The following SLC14A2 variants were observed in gnomAD, a reference collection of about 807,000 sequenced individuals.
The protein encoded by SLC14A2 is urea transporter 2.
A neutral mutation model predicts 104.6 loss-of-function variants in SLC14A2; 91 were observed. The observed-to-expected ratio is 0.87, with a 90% CI of 0.73 to 1.04. SLC14A2 has a LOEUF of 1.04. SLC14A2 is among the 50% of genes least tolerant of loss of function. The pLI is 0.00. For synonymous variants in SLC14A2, 476 were observed against 466.4 expected (o/e 1.02, Z -0.27); for missense variants, 1,189 against 1,156.0 (o/e 1.03, Z -0.41).
intron 2 of SLC14A2, among the ~76,000 whole-genome samples, chr18:45,549,393 T>A (rs1033389997): frequency 6.6e-6 from 1 of 152,210 alleles, no homozygotes; most frequent in Non-Finnish European, 1.5e-5. Flanking sequence ...GGAGGAAGGA[T>A]GGAGCAGCTG....
intron 1 of SLC14A2, among the ~76,000 whole-genome samples, chr18:45,343,042 A>G (rs1478526949): frequency 6.6e-6 from 1 of 152,032 alleles, no homozygotes; most frequent in Non-Finnish European, 1.5e-5. Context: ...GACTAGCAGT[A>G]GCGGGAGGCC....
At position 45,669,328 on chromosome 18, in the gene SLC14A2, G is replaced by A; in HGVS notation, c.2059G>A (p.Gly687Ser). The change falls in exon 16 of 20, where the codon GGT (glycine) becomes AGT (serine). Residue 687 changes from glycine (G) to serine (S), a missense_variant. By Grantham distance (56) the Gly-to-Ser change is moderately conservative (BLOSUM62 0). Transcript: ENST00000255226. ...CAGCCCCATCCTCTCCAGTGCCCTG[G>A]GTACCATCTTCAGCAAGTGGGACCT... ...MSCPILSSAL[G>S]TIFSKWDLPV... is the part of the protein sequence containing the mutation. 1 of 1,613,474 alleles carries A rather than the reference G, an allele frequency of 6.2e-7. No homozygotes were observed. The highest frequency in any genetic ancestry group is 8.5e-7 in the Non-Finnish European group (1 of 1,179,652).
chr18:45,190,360 C>G, the SLC14A2 span, among the ~76,000 whole-genome samples: 1 of 152,162 alleles, frequency 6.6e-6, no homozygotes, highest in African/African-American at 2.4e-5. Context: ...ACTGACAGAT[C>G]TCAAAGGAGG....
chr18:45,489,267 T>G (rs756345119), intron 2 of SLC14A2, among the ~76,000 whole-genome samples: 7 of 152,152 alleles, frequency 4.6e-5, no homozygotes, highest in Non-Finnish European at 5.9e-5. Flanking sequence ...TCCCAGCACT[T>G]TGAGAGGCTG....
chr18:45,322,871 T>TC (rs1368661875), intron 1 of SLC14A2, among the ~76,000 whole-genome samples: 2 of 152,194 alleles, frequency 1.3e-5, no homozygotes, highest in African/African-American at 4.8e-5. Flanking sequence ...AACTGAGAAG[T>TC]CATCCAGCAT....
intron 1 of SLC14A2, among the ~76,000 whole-genome samples, chr18:45,376,687 G>A (rs1384528787): frequency 6.6e-6 from 1 of 152,154 alleles, no homozygotes; most frequent in Non-Finnish European, 1.5e-5. Context: ...TTTGAGATGA[G>A]TACAGGGTGG....
chr18:45,663,899 G>A lies in SLC14A2; in HGVS notation c.1466G>A (p.Arg489Lys). 1 of 1,612,200 alleles carries A rather than the reference G, an allele frequency of 6.2e-7. No individual in the cohort carries two copies. The highest frequency in any genetic ancestry group is 8.5e-7 in the Non-Finnish European group (1 of 1,179,348). The change falls in exon 11 of 20, where the codon AGG becomes AAG. Residue 489 changes from arginine (R) to lysine (K), a missense_variant. By Grantham distance (26) the Arg-to-Lys change is conservative (BLOSUM62 2). Transcript: ENST00000255226. ...ATCGAGTGGTCATCCATTCGGAGGAGGAGCAAAGGTGTGCATGTCCTCCCC... is the reference window on the plus strand; with the variant it reads ...ATCGAGTGGTCATCCATTCGGAGGAAGAGCAAAGGTGTGCATGTCCTCCCC... Reference protein sequence around the residue: ...FHIEWSSIRRRSKVFGKGEHQ... With the variant: ...FHIEWSSIRRKSKVFGKGEHQ...
At chr18:45,379,847 A>G (rs1361717011) in intron 1 of SLC14A2, among the ~76,000 whole-genome samples, 1 of 152,224 alleles carries the variant, frequency 6.6e-6, no homozygotes, top group East Asian at 1.9e-4. Flanking sequence ...CATTTCATAC[A>G]TGGACCTGTA....
At chr18:45,459,369 A>T (rs2087001874) in intron 1 of SLC14A2, among the ~76,000 whole-genome samples, 1 of 152,026 alleles carries the variant, frequency 6.6e-6, no homozygotes, top group Non-Finnish European at 1.5e-5. Context: ...GGAGGATAAA[A>T]CTCTGTGCTG....
Position 45,283,749 on chromosome 18 carries a change from G to A in SLC14A2, c.-125+70558G>A, listed in dbSNP as rs73952836. Among the ~76,000 whole-genome samples the A allele has an allele frequency of 1.0e-3, 154 of 152,026 alleles. 1 individual carries two copies. The highest frequency in any genetic ancestry group is 3.5e-3 in the African/African-American group (144 of 41,456). ...TCACTTAGACAAGGTCTTTTTTTTA[G>A]ATATAGAGATATGCCCCCTCGTGGG... On this transcript the variant is annotated intron_variant, in intron 1 of 20. Transcript: ENST00000586448.
At chr18:45,169,934 AAC>A in the SLC14A2 span, among the ~76,000 whole-genome samples, 1 of 152,134 alleles carries the variant, frequency 6.6e-6, no homozygotes. Flanking sequence ...CAATAACAAA[AAC>A]ACAACCTAAA....
intron 2 of SLC14A2, among the ~76,000 whole-genome samples, chr18:45,524,458 G>T (rs575484334): frequency 1.3e-5 from 2 of 152,168 alleles, no homozygotes; most frequent in African/African-American, 4.8e-5. Context: ...CCTTGATGGG[G>T]TGTGGGACCA....
intron 1 of SLC14A2, among the ~76,000 whole-genome samples, chr18:45,420,749 T>C (rs930929601): frequency 7.0e-6 from 1 of 142,570 alleles, no homozygotes. Context: ...ATTATTATTA[T>C]TTTTTTTTTT....
At chr18:45,663,728 C>A in intron 10 of SLC14A2, 57 bp from the exon 11 acceptor site, 1 of 1,573,686 alleles carries the variant, frequency 6.4e-7, no homozygotes, top group Non-Finnish European at 8.6e-7. Context: ...CTCTGCTTGG[C>A]TCTCTCAGGT....
intron 2 of SLC14A2, among the ~76,000 whole-genome samples, chr18:45,593,382 G>A (rs1475986138): frequency 6.6e-6 from 1 of 151,358 alleles, no homozygotes; most frequent in Admixed American, 6.6e-5. Flanking sequence ...GTAGGCTAGA[G>A]CTCTCCCATC....
At chr18:45,583,743 T>C (rs1599030737) in intron 2 of SLC14A2, among the ~76,000 whole-genome samples, 1 of 152,030 alleles carries the variant, frequency 6.6e-6, no homozygotes, top group Admixed American at 6.5e-5. Flanking sequence ...AGCCAGCTCT[T>C]GAAAAAAAAA....
intron 1 of SLC14A2, among the ~76,000 whole-genome samples, chr18:45,219,967 C>T (rs1221192908): frequency 3.9e-5 from 6 of 152,200 alleles, no homozygotes; most frequent in Non-Finnish European, 8.8e-5. Context: ...CCGATACTTG[C>T]AGAGGGTTAA....
chr18:45,450,987 C>T (rs2086848376), intron 1 of SLC14A2, among the ~76,000 whole-genome samples: 2 of 152,274 alleles, frequency 1.3e-5, no homozygotes, highest in South Asian at 4.2e-4. Context: ...CTTCAAAGGA[C>T]AAGGGAGCCA....
At chr18:45,424,572 G>C (rs1322282936) in intron 1 of SLC14A2, among the ~76,000 whole-genome samples, 2 of 152,250 alleles carry the variant, frequency 1.3e-5, no homozygotes, top group Non-Finnish European at 1.5e-5. Context: ...GCACAGGCAT[G>C]AGTAGGTGGA....
Sources: allele counts gnomAD v4.1 joint callset (sites outside exome capture counted in the v4.1 genomes callset), GRCh38; gene constraint gnomAD v4.1.1; transcripts MANE v1.5; gene names NCBI Gene and HGNC (gene_info 2026-07-23, HGNC 2026-07-21).